The following PARD3B variants were observed in gnomAD, a reference collection of about 807,000 sequenced individuals.
PARD3B encodes par-3 family cell polarity regulator beta.
In PARD3B, 103 loss-of-function variants were observed where a neutral mutation model predicts 130.2. The observed-to-expected ratio is 0.79, with a 90% CI of 0.67 to 0.93. The LOEUF (loss-of-function observed/expected upper bound fraction) is 0.93, where lower values mean the gene tolerates loss of function less well. Among genes scored for constraint, PARD3B ranks in the 40% least tolerant of loss-of-function variants. The pLI, the probability that PARD3B is intolerant of heterozygous loss-of-function variation, is 0.00. For synonymous variants in PARD3B, 583 were observed against 553.2 expected (o/e 1.05, Z -0.76); for missense variants, 1,609 against 1,499.2 (o/e 1.07, Z -1.21).
At chr2:205,051,492 G>T (rs1294286440) in intron 4 of PARD3B, among the ~76,000 whole-genome samples, 1 of 152,294 alleles carries the variant, frequency 6.6e-6, no homozygotes, top group South Asian at 2.1e-4. Flanking sequence ...ATAACCCACA[G>T]CATAAGAAGC....
chr2:205,168,318 A>T (rs112014333), intron 11 of PARD3B, among the ~76,000 whole-genome samples: 23,496 of 121,612 alleles, frequency 0.19, 2,007 homozygotes, highest in Middle Eastern at 0.3. Context: ...AGAGAGAGAG[A>T]GAGTGTGTGT....
At chr2:205,215,365 T>C (rs1340298367) in intron 15 of PARD3B, among the ~76,000 whole-genome samples, 1 of 152,052 alleles carries the variant, frequency 6.6e-6, no homozygotes, top group Non-Finnish European at 1.5e-5. Flanking sequence ...GAGACACTGC[T>C]TTAATAATCG....
chr2:204,609,417 C>G (rs1183453951), intron 1 of PARD3B, among the ~76,000 whole-genome samples: 1 of 151,994 alleles, frequency 6.6e-6, no homozygotes, highest in Non-Finnish European at 1.5e-5. Flanking sequence ...AAGGTGTGCC[C>G]AAGGTGGTCA....
intron 21 of PARD3B, among the ~76,000 whole-genome samples, chr2:205,544,625 G>C (rs1405452676): frequency 6.6e-6 from 1 of 152,118 alleles, no homozygotes; most frequent in African/African-American, 2.4e-5. Context: ...GACAGTTCAG[G>C]TTATTAAGAT....
At chr2:204,802,864 A>G (rs1158536278) in intron 2 of PARD3B, among the ~76,000 whole-genome samples, 1 of 152,080 alleles carries the variant, frequency 6.6e-6, no homozygotes, top group Non-Finnish European at 1.5e-5. Context: ...GGGGAGGGAT[A>G]GCATTAGGAG....
chr2:204,606,093 A>G lies in PARD3B; in HGVS notation c.120+59974A>G, dbSNP rs1049400327. On this transcript the variant is annotated intron_variant, in intron 1 of 22. Transcript: ENST00000406610. This position sits in a 1 kb window ranked among gnomAD's most constrained non-coding sequence, Gnocchi z 4.0. ...TTCAGTAGATGGAAACTGGAATTTT[A>G]TATCTCATTTCACTGTGACATGTGG... Among the ~76,000 whole-genome samples the G allele has an allele frequency of 1.3e-5, 2 of 152,132 alleles. No homozygotes were observed. The highest frequency in any genetic ancestry group is 6.6e-5 in the Admixed American group (1 of 15,260).
chr2:204,987,572 G>C (rs1693274939), intron 3 of PARD3B, among the ~76,000 whole-genome samples: 1 of 152,148 alleles, frequency 6.6e-6, no homozygotes, highest in Non-Finnish European at 1.5e-5. Flanking sequence ...TGTTGTATCT[G>C]TAGTCCCTGG....
chr2:205,451,392 G>T (rs1163573171), intron 20 of PARD3B, among the ~76,000 whole-genome samples: 1 of 152,170 alleles, frequency 6.6e-6, no homozygotes, highest in East Asian at 1.9e-4. Context: ...CAACTTTCCA[G>T]TAAACAAAGT....
intron 1 of PARD3B, among the ~76,000 whole-genome samples, chr2:204,680,199 T>G (rs571599019): frequency 6.6e-6 from 1 of 152,178 alleles, no homozygotes; most frequent in African/African-American, 2.4e-5. Flanking sequence ...GAGCTTGGAA[T>G]TTTCCTTTTG....
intron 19 of PARD3B, among the ~76,000 whole-genome samples, chr2:205,431,564 G>A (rs374346413): frequency 3.3e-5 from 5 of 151,480 alleles, no homozygotes; most frequent in South Asian, 2.1e-4. Flanking sequence ...CTGCCTCCCC[G>A]GTTCTTGCCA....
chr2:205,611,681 A>C (rs1305761305), intron 22 of PARD3B, among the ~76,000 whole-genome samples: 4 of 152,188 alleles, frequency 2.6e-5, no homozygotes, highest in Admixed American at 1.3e-4. Flanking sequence ...ATAAGCAATA[A>C]TTTCAAAATA....
chr2:205,560,382 G>A lies in PARD3B; in HGVS notation c.3260+6979G>A, dbSNP rs183779874. On this transcript the variant is annotated intron_variant, in intron 22 of 22. Transcript: ENST00000406610. ...GTCATAAAAATCAATTCTTTTTTCC[G>A]TTCCCTTGGGCCCTTTGTTTGAAAT... is the stretch of plus-strand genomic sequence containing the variant. Among the ~76,000 whole-genome samples, 219 of 152,052 alleles carry A rather than the reference G, an allele frequency of 1.4e-3. 1 individual carries two copies. The highest frequency in any genetic ancestry group is 4.5e-3 in the African/African-American group (185 of 41,470).
chr2:204,546,164 C>G, intron 1 of PARD3B, 45 bp downstream of exon 1: 1 of 1,548,078 alleles, frequency 6.5e-7, no homozygotes, highest in Non-Finnish European at 8.7e-7. Context: ...AGCCAAGGCA[C>G]CTGCCAGGTG....
chr2:205,545,318 G>A (rs1342296851), intron 21 of PARD3B, among the ~76,000 whole-genome samples: 1 of 152,124 alleles, frequency 6.6e-6, no homozygotes, highest in Non-Finnish European at 1.5e-5. Context: ...ATAACTTTTA[G>A]AAGTTTTTAT....
intron 2 of PARD3B, among the ~76,000 whole-genome samples, chr2:204,713,228 A>AT (rs2038542523): frequency 6.6e-6 from 1 of 152,044 alleles, no homozygotes; most frequent in African/African-American, 2.4e-5. Context: ...ATTTACTGGA[A>AT]TAAATACTTT....
At chr2:205,206,511 C>T (rs1329444355) in intron 15 of PARD3B, among the ~76,000 whole-genome samples, 2 of 151,306 alleles carry the variant, frequency 1.3e-5, no homozygotes, top group Non-Finnish European at 2.9e-5. Context: ...ATGATGATTT[C>T]CAATTTCATC....
intron 19 of PARD3B, among the ~76,000 whole-genome samples, chr2:205,413,500 A>G (rs1559070290): frequency 6.6e-6 from 1 of 152,208 alleles, no homozygotes; most frequent in Non-Finnish European, 1.5e-5. Flanking sequence ...TACTGATTTT[A>G]ATTTTATTTT....
intron 16 of PARD3B, among the ~76,000 whole-genome samples, chr2:205,283,228 C>T (rs1279867019): frequency 6.6e-6 from 1 of 152,152 alleles, no homozygotes; most frequent in Non-Finnish European, 1.5e-5. Context: ...TGTGAGAATC[C>T]TTACACTATT....
In PARD3B at chr2:205,525,489, A is replaced by AT. The variant is rs1233872148; in HGVS notation, c.3180+25464dup. Among the ~76,000 whole-genome samples the AT allele has an allele frequency of 1.3e-5, 2 of 152,096 alleles. No individual in the cohort carries two copies. The highest frequency in any genetic ancestry group is 2.4e-5 in the African/African-American group (1 of 41,410). On this transcript the variant is annotated intron_variant, in intron 21 of 22. Coordinates refer to ENST00000406610, the MANE Select transcript of PARD3B (RefSeq NM_001302769.2). The surrounding 1 kb of genome is among the most constrained non-coding windows in gnomAD (Gnocchi z 4.2). ...TTACCTATGAACACAAAAAGGTTTA[A>AT]TTTTTTCTGTCAACGTGCATTGTTG... is the stretch of plus-strand genomic sequence containing the variant.
Sources: allele counts gnomAD v4.1 joint callset (sites outside exome capture counted in the v4.1 genomes callset), GRCh38; gene constraint gnomAD v4.1.1; non-coding constraint Gnocchi (gnomAD v3.1); transcripts MANE v1.5; gene names NCBI Gene and HGNC (gene_info 2026-07-23, HGNC 2026-07-21).